OGFOD3: variants seen among roughly 807,000 people sequenced by gnomAD.
OGFOD3 encodes the protein 2-oxoglutarate and iron-dependent oxygenase domain-containing protein 3.
A neutral mutation model predicts 39.8 loss-of-function variants in OGFOD3; 35 were observed. The ratio of observed to expected loss-of-function variants is 0.88; its 90% CI spans 0.67 to 1.17. The LOEUF (loss-of-function observed/expected upper bound fraction) is 1.17, where lower values mean the gene tolerates loss of function less well. Ranked by LOEUF, OGFOD3 falls within the 50% of genes most tolerant of loss-of-function variation. OGFOD3 has a pLI of 0.00. For synonymous variants in OGFOD3, 200 were observed against 192.0 expected, an observed-to-expected ratio of 1.04 and a Z score of -0.34; for missense variants, 438 against 454.5, an observed-to-expected ratio of 0.96 and a Z score of 0.33.
chr17:82,409,174 C>G (rs2143268518), intron 4 of OGFOD3, among the ~76,000 whole-genome samples, 194 bp downstream of exon 4: 1 of 152,346 alleles, frequency 6.6e-6, no homozygotes, highest in Non-Finnish European at 1.5e-5. Context: ...ACACACTCTT[C>G]CCAACGAGGG....
chr17:82,401,144 C>CT (rs10711493), intron 7 of OGFOD3: 67,018 of 130,950 alleles, frequency 0.51, 17,504 homozygotes, highest in South Asian at 0.66. Context: ...TTGGGTTTAC[C>CT]TTTTTTTTTT....
At position 82,392,568 on chromosome 17, in the gene OGFOD3, AGCCACACCCACG is replaced by A. The variant is rs2052612389; in HGVS notation, c.824-46_824-35del. The A allele has an allele frequency of 1.3e-6, 2 of 1,561,328 alleles. No individual in the cohort carries two copies. Among genetic ancestry groups the A allele is most frequent in the Non-Finnish European group, 1.7e-6 (2 of 1,152,864 alleles). On this transcript the variant is annotated intron_variant, in intron 8 of 8. Coordinates refer to ENST00000313056, the MANE Select transcript of OGFOD3 (RefSeq NM_024648.3). This position sits in a 1 kb window ranked among gnomAD's most constrained non-coding sequence, Gnocchi z 4.2. ...GGAGAAGAGAGAGAGGTGGCCATAG[AGCCACACCCACG>A]GCCACAGCCTTCAGAGGGTCTGCGG...
At chr17:82,399,962 G>A (rs1277012416) in intron 7 of OGFOD3, among the ~76,000 whole-genome samples, 5 of 152,228 alleles carry the variant, frequency 3.3e-5, no homozygotes, top group South Asian at 2.1e-4. Flanking sequence ...CCCACTGTGC[G>A]GGCGCTGAGC....
At chr17:82,409,043 G>A (rs990729719) in intron 4 of OGFOD3, among the ~76,000 whole-genome samples, 14 of 152,186 alleles carry the variant, frequency 9.2e-5, no homozygotes, top group African/African-American at 3.1e-4. Context: ...CCGTCTCCTC[G>A]CTGGGCTCCC....
At position 82,390,666 on chromosome 17, in the gene OGFOD3, C is replaced by T. The variant is rs750307170; in HGVS notation, c.*1732G>A. The T allele has an allele frequency of 9.8e-5, 18 of 182,962 alleles. No homozygotes were observed. Among genetic ancestry groups the T allele is most frequent in the African/African-American group, 1.2e-4 (5 of 41,594 alleles). The allele number at this position is 182,962 out of a possible 1,614,324, so 11.3% of individuals were successfully genotyped here. On this transcript the variant is annotated 3_prime_UTR_variant, in exon 9 of 9. Coordinates refer to ENST00000313056, the MANE Select transcript of OGFOD3 (RefSeq NM_024648.3). This position sits in a 1 kb window ranked among gnomAD's most constrained non-coding sequence, Gnocchi z 4.9. ...CCCACGCCGTCCTCCGCATGTGGCC[C>T]GTGGTGCAGGAGGGGCCCTGGGCAA... is the stretch of plus-strand genomic sequence containing the variant.
In OGFOD3 at chr17:82,406,136, TC is replaced by T. The variant is rs1457954058; in HGVS notation, c.488+281del. Among the ~76,000 whole-genome samples the T allele has an allele frequency of 1.3e-5, 2 of 152,026 alleles. No individual in the cohort carries two copies. Among genetic ancestry groups the T allele is most frequent in the East Asian group, 3.9e-4 (2 of 5,172 alleles). ...GCCTCCCATCTCTGCTGCCTCTTGCTCCCATCCCTTCTGTCCCTGGGCCCAC... is the reference window on the plus strand; with the variant it reads ...GCCTCCCATCTCTGCTGCCTCTTGCTCCATCCCTTCTGTCCCTGGGCCCAC... On this transcript the variant is annotated intron_variant, in intron 5 of 8. Transcript: ENST00000313056. The surrounding 1 kb of genome is among the most constrained non-coding windows in gnomAD (Gnocchi z 5.2).
intron 7 of OGFOD3, among the ~76,000 whole-genome samples, chr17:82,403,241 A>C (rs2052794774): frequency 6.6e-6 from 1 of 152,130 alleles, no homozygotes; most frequent in Admixed American, 6.5e-5. Flanking sequence ...CGGGTTCTCC[A>C]CTTCTTCTTG....
In OGFOD3 at chr17:82,405,463, G is replaced by A. The variant is rs2052840736; in HGVS notation, c.489-83C>T. 5.9e-6 allele frequency: 7 copies of A among 1,185,934 alleles called. No homozygotes were observed. In the South Asian group the frequency reaches 7.5e-5, roughly 13 times the overall value. The allele number at this position is 1,185,934 out of a possible 1,614,324, so 73.5% of individuals were successfully genotyped here. A position where few individuals can be genotyped will look rare whatever the true frequency, so the allele number is the denominator to read the frequency against. ...TCCTTTCAGTTCAGCCATTCCTCAA[G>A]TCCCTGAAAATCAACTCACACATTC... On this transcript the variant is annotated intron_variant, in intron 5 of 8. Coordinates refer to ENST00000313056, the MANE Select transcript of OGFOD3 (RefSeq NM_024648.3).
intron 2 of OGFOD3, chr17:82,411,751 CCA>C: frequency 1.8e-6 from 1 of 546,024 alleles, no homozygotes; most frequent in South Asian, 2.2e-5. Flanking sequence ...GAAATTTAAT[CCA>C]GAGGCACCTG....
intron 7 of OGFOD3, among the ~76,000 whole-genome samples, chr17:82,401,744 C>A: frequency 7.2e-6 from 1 of 138,562 alleles, no homozygotes; most frequent in Non-Finnish European, 1.5e-5. Flanking sequence ...GCAGAGGTTG[C>A]AGTGAGCTGA....
chr17:82,408,766 G>T (rs1206761102), intron 4 of OGFOD3, among the ~76,000 whole-genome samples: 2 of 152,180 alleles, frequency 1.3e-5, no homozygotes, highest in African/African-American at 4.8e-5. Flanking sequence ...CCTAAATCTG[G>T]GATGATGTCA....
In OGFOD3 at chr17:82,404,236, T is replaced by C. The variant is rs892929847; in HGVS notation, c.546-146A>G. On this transcript the variant is annotated intron_variant, in intron 6 of 8. Transcript: ENST00000313056. The surrounding 1 kb of genome is among the most constrained non-coding windows in gnomAD (Gnocchi z 4.5). ...GGCTCCCAAGCACACCGGGAACAGATACCGGCTCCGCCTGGGAACGACGCG... is the reference window on the plus strand; with the variant it reads ...GGCTCCCAAGCACACCGGGAACAGACACCGGCTCCGCCTGGGAACGACGCG... The C allele has an allele frequency of 1.1e-6, 1 of 910,002 alleles. No homozygotes were observed. The highest frequency in any genetic ancestry group is 2.7e-5 in the East Asian group (1 of 37,130). The allele number at this position is 910,002 out of a possible 1,614,324, so 56.4% of individuals were successfully genotyped here. A position where few individuals can be genotyped will look rare whatever the true frequency, so the allele number is the denominator to read the frequency against.
At position 82,390,796 on chromosome 17, in the gene OGFOD3, GCCCGCTCCTT is replaced by G. The variant is rs2052589778; in HGVS notation, c.*1592_*1601del. ...GTCACCATGCCTCAGCTGGCCTCAC[GCCCGCTCCTT>G]CCCAGGGGTCACCATGCCTCAGCTG... On this transcript the variant is annotated 3_prime_UTR_variant, in exon 9 of 9. Transcript: ENST00000313056. This position sits in a 1 kb window ranked among gnomAD's most constrained non-coding sequence, Gnocchi z 4.9. The G allele has an allele frequency of 1.6e-5, 2 of 123,434 alleles. No homozygotes were observed. The highest frequency in any genetic ancestry group is 6.5e-5 in the African/African-American group (2 of 30,648). 7.6% of individuals were successfully genotyped at this position (123,434 alleles called of 1,614,324 possible). A position where few individuals can be genotyped will look rare whatever the true frequency, so the allele number is the denominator to read the frequency against.
chr17:82,411,955 C>A (rs188958540), intron 2 of OGFOD3, among the ~76,000 whole-genome samples: 39 of 151,986 alleles, frequency 2.6e-4, no homozygotes, highest in Admixed American at 1.8e-3. Context: ...GGGAGGAAAA[C>A]CCTCCTGAGG....
In OGFOD3 at chr17:82,390,963, T is replaced by C; in HGVS notation, c.*1435A>G. The C allele has an allele frequency of 9.9e-6, 2 of 202,146 alleles. No individual in the cohort carries two copies. The highest frequency in any genetic ancestry group is 1.1e-4 in the South Asian group (2 of 18,830). 12.5% of individuals were successfully genotyped at this position (202,146 alleles called of 1,614,324 possible). A position where few individuals can be genotyped will look rare whatever the true frequency, so the allele number is the denominator to read the frequency against. ...CAGGACCCAATAATGCTGCCCTTTATCAACCCCCAGAGCAGCTCCCGGGCC... is the reference window on the plus strand; with the variant it reads ...CAGGACCCAATAATGCTGCCCTTTACCAACCCCCAGAGCAGCTCCCGGGCC... On this transcript the variant is annotated 3_prime_UTR_variant, in exon 9 of 9. Coordinates refer to ENST00000313056, the MANE Select transcript of OGFOD3 (RefSeq NM_024648.3). This position sits in a 1 kb window ranked among gnomAD's most constrained non-coding sequence, Gnocchi z 4.9.
rs919014822 is a variant in OGFOD3, at chr17:82,389,439, G to A, written c.*2959C>T. 1 of 152,222 alleles carries A rather than the reference G, an allele frequency of 6.6e-6. No homozygotes were observed. The highest frequency in any genetic ancestry group is 1.5e-5 in the Non-Finnish European group (1 of 68,034). 9.4% of individuals were successfully genotyped at this position (152,222 alleles called of 1,614,324 possible). A position where few individuals can be genotyped will look rare whatever the true frequency, so the allele number is the denominator to read the frequency against. On this transcript the variant is annotated 3_prime_UTR_variant, in exon 9 of 9. Coordinates refer to ENST00000313056, the MANE Select transcript of OGFOD3 (RefSeq NM_024648.3). This position sits in a 1 kb window ranked among gnomAD's most constrained non-coding sequence, Gnocchi z 4.6. The stretch of plus-strand genomic sequence containing the variant: ...GCACTTCTTGGGCAAAGCCCAGGGT[G>A]TGAGGATTCACTGCTGTGCCCACGT...
intron 5 of OGFOD3, among the ~76,000 whole-genome samples, chr17:82,405,912 C>T (rs55980002): frequency 0.24 from 37,083 of 152,042 alleles, 5,628 homozygotes; most frequent in Non-Finnish European, 0.35. Context: ...TGCGCCACTG[C>T]ACTCCAGCCT....
At chr17:82,412,653 G>A (rs2052969462) in intron 2 of OGFOD3, among the ~76,000 whole-genome samples, 1 of 152,062 alleles carries the variant, frequency 6.6e-6, no homozygotes, top group African/African-American at 2.4e-5. Flanking sequence ...GGTGGTCGAG[G>A]CAGCATCGCA....
At chr17:82,408,175 A>G (rs56314786) in intron 4 of OGFOD3, among the ~76,000 whole-genome samples, 1 of 152,080 alleles carries the variant, frequency 6.6e-6, no homozygotes, top group Non-Finnish European at 1.5e-5. Context: ...CTTAATTTTC[A>G]GAACTCAAGA....
Sources: gnomAD v4.1 joint callset for allele counts (sites outside exome capture counted in the v4.1 genomes callset) on GRCh38, gnomAD v4.1.1 for gene constraint, Gnocchi (gnomAD v3.1) non-coding constraint, MANE v1.5 for transcripts, NCBI Gene and HGNC (gene_info 2026-07-23, HGNC 2026-07-21) for gene names.